Variants in TPD52 observed in about 807,000 individuals in gnomAD.
TPD52 encodes prostate and colon associated protein.
A neutral mutation model predicts 31.3 loss-of-function variants in TPD52; 17 were observed. The ratio of observed to expected loss-of-function variants is 0.54; its 90% CI spans 0.37 to 0.82. TPD52 has a LOEUF of 0.82. Among genes scored for constraint, TPD52 ranks in the 40% least tolerant of loss-of-function variants. The pLI is 0.00. For synonymous variants in TPD52, 83 were observed against 89.6 expected (o/e 0.93, Z 0.42); for missense variants, 212 against 240.1 (o/e 0.88, Z 0.77).
At chr8:80,049,496 G>T (rs191990886) in intron 5 of TPD52, among the ~76,000 whole-genome samples, 1 of 152,156 alleles carries the variant, frequency 6.6e-6, no homozygotes, top group East Asian at 1.9e-4. Flanking sequence ...GACTTCCAGG[G>T]GTAAGTGTCA....
At chr8:80,145,888 G>A (rs1156235428) in intron 1 of TPD52, among the ~76,000 whole-genome samples, 1 of 152,140 alleles carries the variant, frequency 6.6e-6, no homozygotes, top group Non-Finnish European at 1.5e-5. Flanking sequence ...GGGAGGAGGA[G>A]TGTTAAAAAT....
intron 1 of TPD52, among the ~76,000 whole-genome samples, chr8:80,137,410 A>G (rs1034962722): frequency 7.9e-6 from 1 of 126,662 alleles, no homozygotes; most frequent in Admixed American, 8.5e-5. Flanking sequence ...AATGGAAACT[A>G]TATGTTAGAT....
chr8:80,061,190 C>A (rs1426497867), intron 2 of TPD52, among the ~76,000 whole-genome samples: 1 of 150,126 alleles, frequency 6.7e-6, no homozygotes, highest in African/African-American at 2.5e-5. Flanking sequence ...TATGGAGAAA[C>A]CCCATCTCTA....
At chr8:80,137,779 T>C (rs1279546240) in intron 1 of TPD52, among the ~76,000 whole-genome samples, 1 of 152,082 alleles carries the variant, frequency 6.6e-6, no homozygotes, top group Non-Finnish European at 1.5e-5. Context: ...GTTTGGTCCT[T>C]CAGAATTTAA....
At chr8:80,075,471 A>C (rs1192766864) in intron 1 of TPD52, among the ~76,000 whole-genome samples, 1 of 152,248 alleles carries the variant, frequency 6.6e-6, no homozygotes, top group Non-Finnish European at 1.5e-5. Flanking sequence ...GCTTCACTTC[A>C]CAGAAAGAGT....
intron 2 of TPD52, among the ~76,000 whole-genome samples, chr8:80,054,625 T>C (rs1174304175): frequency 2.0e-5 from 3 of 151,690 alleles, no homozygotes; most frequent in African/African-American, 4.9e-5. Flanking sequence ...CCTTTAAAAA[T>C]AACATAGAGT....
At chr8:80,103,013 C>T (rs1248949858) in intron 1 of TPD52, among the ~76,000 whole-genome samples, 2 of 152,220 alleles carry the variant, frequency 1.3e-5, no homozygotes, top group Admixed American at 6.5e-5. Flanking sequence ...CTCCATGCCC[C>T]TTCTCCCACA....
At chr8:80,145,714 A>G (rs2131167265) in intron 1 of TPD52, among the ~76,000 whole-genome samples, 1 of 152,348 alleles carries the variant, frequency 6.6e-6, no homozygotes, top group East Asian at 1.9e-4. Context: ...TTTCTTCAAG[A>G]AATGACTCAG....
intron 5 of TPD52, among the ~76,000 whole-genome samples, chr8:80,049,023 C>G (rs1811122884): frequency 6.6e-6 from 1 of 152,106 alleles, no homozygotes. Flanking sequence ...TGAGCCATAT[C>G]TAGGTATGGC....
chr8:80,142,735 G>A (rs1586384942), intron 1 of TPD52, among the ~76,000 whole-genome samples: 1 of 152,048 alleles, frequency 6.6e-6, no homozygotes, highest in South Asian at 2.1e-4. Flanking sequence ...GTCCTGGGCA[G>A]AACTCAACCT....
chr8:80,095,652 A>G (rs56393399), intron 1 of TPD52, among the ~76,000 whole-genome samples: 9,330 of 152,088 alleles, frequency 0.061, 929 homozygotes, highest in African/African-American at 0.21. Context: ...ACTGCCCTAA[A>G]ATACAAAGAC....
At chr8:80,060,936 C>T (rs2130645831) in intron 2 of TPD52, among the ~76,000 whole-genome samples, 1 of 152,200 alleles carries the variant, frequency 6.6e-6, no homozygotes, top group Non-Finnish European at 1.5e-5. Flanking sequence ...ACCATTTTTA[C>T]ACAATATTGT....
At chr8:80,081,053 C>T (rs939435035) in intron 1 of TPD52, among the ~76,000 whole-genome samples, 90 of 151,614 alleles carry the variant, frequency 5.9e-4, no homozygotes, top group African/African-American at 2.1e-3. Flanking sequence ...TTTCTAAGCA[C>T]AACTTGGTAT....
intron 1 of TPD52, among the ~76,000 whole-genome samples, chr8:80,140,185 G>T (rs1809729943): frequency 1.3e-5 from 2 of 152,258 alleles, no homozygotes; most frequent in African/African-American, 4.8e-5. Context: ...CCCAAGTCCT[G>T]GGTTCTCCTG....
At chr8:80,086,799 G>C (rs34706445) in intron 1 of TPD52, among the ~76,000 whole-genome samples, 1 of 147,030 alleles carries the variant, frequency 6.8e-6, no homozygotes, top group Non-Finnish European at 1.5e-5. Flanking sequence ...GCTTGAACCC[G>C]GGAAGCGGAG....
At chr8:80,113,269 A>C (rs986431305) in intron 1 of TPD52, among the ~76,000 whole-genome samples, 1 of 60,648 alleles carries the variant, frequency 1.6e-5, no homozygotes, top group Non-Finnish European at 2.6e-5. Flanking sequence ...TGTCAAAAAG[A>C]AAAAAAAAAA....
chr8:80,163,132 T>G (rs1193594037), intron 1 of TPD52, among the ~76,000 whole-genome samples: 1 of 152,176 alleles, frequency 6.6e-6, no homozygotes, highest in East Asian at 1.9e-4. Flanking sequence ...AGTATATTTC[T>G]AAAAGAAGTG....
chr8:80,129,415 A>G (rs1808858271), intron 1 of TPD52, among the ~76,000 whole-genome samples: 1 of 152,224 alleles, frequency 6.6e-6, no homozygotes. Context: ...CCATACAAGC[A>G]TTACAAATCT....
chr8:80,156,207 A>G (rs1466174657), intron 1 of TPD52, among the ~76,000 whole-genome samples: 1 of 152,186 alleles, frequency 6.6e-6, no homozygotes, highest in African/African-American at 2.4e-5. Context: ...AGGAAGACCT[A>G]GCAACTGAGG....
Sources: allele counts gnomAD v4.1 joint callset (sites outside exome capture counted in the v4.1 genomes callset), GRCh38; gene constraint gnomAD v4.1.1; transcripts MANE v1.5; gene names NCBI Gene and HGNC (gene_info 2026-07-23, HGNC 2026-07-21).